The following THSD7B variants were observed in gnomAD, a reference collection of about 807,000 sequenced individuals.
THSD7B encodes thrombospondin type-1 domain-containing protein 7B.
In THSD7B, 138 loss-of-function variants were observed where a neutral mutation model predicts 213.6. The ratio of observed to expected loss-of-function variants is 0.65; its 90% CI spans 0.56 to 0.74. The LOEUF is 0.74. THSD7B is among the 30% of genes least tolerant of loss of function. The pLI is 0.00. For synonymous variants in THSD7B, 742 were observed against 687.0 expected, an observed-to-expected ratio of 1.08 and a Z score of -1.25; for missense variants, 1,931 against 1,991.5, an observed-to-expected ratio of 0.97 and a Z score of 0.58.
At chr2:137,044,045 G>A (rs978198123) in intron 2 of THSD7B, among the ~76,000 whole-genome samples, 1 of 152,122 alleles carries the variant, frequency 6.6e-6, no homozygotes, top group Non-Finnish European at 1.5e-5. Flanking sequence ...CCAGGTTTTA[G>A]TCGGGAACCT....
At chr2:137,448,836 C>CAACAAAA (rs765115799) in intron 14 of THSD7B, among the ~76,000 whole-genome samples, 1 of 147,478 alleles carries the variant, frequency 6.8e-6, no homozygotes, top group Admixed American at 6.7e-5. Flanking sequence ...ACAACAACAA[C>CAACAAAA]AAAAACTACC....
Position 137,298,635 on chromosome 2 carries a change from G to A in THSD7B, c.2500+22609G>A, listed in dbSNP as rs188098114. On this transcript the variant is annotated intron_variant, in intron 12 of 27. Coordinates refer to ENST00000409968, the MANE Select transcript of THSD7B (RefSeq NM_001316349.2). ...GCCCAGGATCCCTGTGCTGTGTGCA[G>A]CTTAGGGACTTAGTGCCCTGTGTCC... Among the ~76,000 whole-genome samples the A allele has an allele frequency of 6.5e-4, 99 of 152,258 alleles. 1 individual carries two copies. The highest frequency in any genetic ancestry group is 1.3e-3 in the South Asian group (6 of 4,782).
At position 137,061,891 on chromosome 2, in the gene THSD7B, C is replaced by A. The variant is rs557407042; in HGVS notation, c.950+4661C>A. Among the ~76,000 whole-genome samples, 10 of 151,836 alleles carry A rather than the reference C, an allele frequency of 6.6e-5. No individual in the cohort carries two copies. The South Asian group carries it at 2.1e-3, about 31-fold the overall frequency. The stretch of plus-strand genomic sequence containing the variant: ...CTTCGAATGAATTGGAAAGTATTTT[C>A]TGTGCTTTCATTTTCTGAAAGAAAT... On this transcript the variant is annotated intron_variant, in intron 3 of 27. Transcript: ENST00000409968.
At chr2:137,068,069 A>G (rs900697541) in intron 3 of THSD7B, among the ~76,000 whole-genome samples, 1 of 151,970 alleles carries the variant, frequency 6.6e-6, no homozygotes, top group Non-Finnish European at 1.5e-5. Context: ...TTCCTCTGCT[A>G]TGTTGTGATT....
intron 26 of THSD7B, among the ~76,000 whole-genome samples, chr2:137,664,071 T>A (rs1683403119): frequency 6.6e-6 from 1 of 152,170 alleles, no homozygotes. Context: ...CAGGCTGGTC[T>A]TGAACTCCTG....
intron 2 of THSD7B, among the ~76,000 whole-genome samples, chr2:136,990,653 A>G (rs571579334): frequency 6.6e-6 from 1 of 152,170 alleles, no homozygotes; most frequent in Non-Finnish European, 1.5e-5. Flanking sequence ...GCCTTATTTC[A>G]TAGGACATTT....
At chr2:136,774,476 A>G (rs1237881930) in intron 1 of THSD7B, among the ~76,000 whole-genome samples, 1 of 152,096 alleles carries the variant, frequency 6.6e-6, no homozygotes, top group Non-Finnish European at 1.5e-5. Flanking sequence ...AATTGAAAAA[A>G]CAGAATGTGA....
intron 10 of THSD7B, among the ~76,000 whole-genome samples, chr2:137,249,071 T>G (rs1682109633): frequency 6.6e-6 from 1 of 152,050 alleles, no homozygotes; most frequent in African/African-American, 2.4e-5. Flanking sequence ...TTCCTGATAA[T>G]TTAGTAGGAG....
chr2:136,881,282 C>G (rs1169862071), intron 1 of THSD7B, among the ~76,000 whole-genome samples: 1 of 152,132 alleles, frequency 6.6e-6, no homozygotes, highest in Non-Finnish European at 1.5e-5. Context: ...GTTGTGTATG[C>G]ATATCTCTTT....
At chr2:137,329,230 G>A (rs913503774) in intron 12 of THSD7B, among the ~76,000 whole-genome samples, 2 of 152,208 alleles carry the variant, frequency 1.3e-5, no homozygotes, top group African/African-American at 4.8e-5. Context: ...CTCAGATGGA[G>A]ATAAGGAATT....
intron 12 of THSD7B, among the ~76,000 whole-genome samples, chr2:137,372,506 C>A (rs1050571570): frequency 7.3e-5 from 11 of 151,458 alleles, no homozygotes; most frequent in Admixed American, 5.3e-4. Context: ...AGGTATAAAT[C>A]AATACATATA....
intron 12 of THSD7B, among the ~76,000 whole-genome samples, chr2:137,353,428 GT>G (rs1489134195): frequency 6.6e-6 from 1 of 152,044 alleles, no homozygotes; most frequent in Non-Finnish European, 1.5e-5. Flanking sequence ...TAGCTTCCCC[GT>G]GTATCCTTCA....
intron 5 of THSD7B, among the ~76,000 whole-genome samples, chr2:137,117,990 G>C (rs1377093917): frequency 6.6e-6 from 1 of 152,034 alleles, no homozygotes; most frequent in African/African-American, 2.4e-5. Flanking sequence ...AACACCTATA[G>C]CATATTTAGT....
chr2:137,665,546 G>A (rs1192351759), intron 26 of THSD7B, among the ~76,000 whole-genome samples: 1 of 151,716 alleles, frequency 6.6e-6, no homozygotes. Context: ...TCATGGTGAG[G>A]GTATAAATTA....
chr2:137,187,114 T>C (rs192138987), intron 7 of THSD7B, among the ~76,000 whole-genome samples: 264 of 152,330 alleles, frequency 1.7e-3, no homozygotes, highest in Admixed American at 3.0e-3. Context: ...CTTTCCATTC[T>C]TTCACTAGGA....
chr2:136,980,513 G>A (rs1357932312), intron 2 of THSD7B, among the ~76,000 whole-genome samples: 1 of 152,164 alleles, frequency 6.6e-6, no homozygotes, highest in Non-Finnish European at 1.5e-5. Flanking sequence ...CCCACCTAAA[G>A]AAGCCCGGCC....
intron 1 of THSD7B, among the ~76,000 whole-genome samples, chr2:136,774,551 A>C (rs1681566909): frequency 6.6e-6 from 1 of 152,126 alleles, no homozygotes; most frequent in Non-Finnish European, 1.5e-5. Context: ...TGCAACCTCT[A>C]TTCAGCTGTA....
At position 136,920,827 on chromosome 2, in the gene THSD7B, C is replaced by T. The variant is rs927422118; in HGVS notation, c.139+38510C>T. On this transcript the variant is annotated intron_variant, in intron 2 of 27. Coordinates refer to ENST00000409968, the MANE Select transcript of THSD7B (RefSeq NM_001316349.2). ...TTGGCACCCAAAGTCCAGAAGGAGC[C>T]GAAGTGGCAGGGGGCTTATGCGTCA... 2.0e-5 allele frequency among the ~76,000 whole-genome samples: 3 copies of T among 152,238 alleles called. No individual in the cohort carries two copies. In the South Asian group the frequency reaches 6.2e-4, roughly 32 times the overall value.
intron 9 of THSD7B, among the ~76,000 whole-genome samples, chr2:137,237,836 C>G (rs1032789121): frequency 3.9e-5 from 6 of 152,122 alleles, no homozygotes; most frequent in African/African-American, 1.2e-4. Context: ...AAGGGTAAAC[C>G]TCATTGGCAG....
Sources: gnomAD v4.1 joint callset for allele counts (sites outside exome capture counted in the v4.1 genomes callset) on GRCh38, gnomAD v4.1.1 for gene constraint, MANE v1.5 for transcripts, NCBI Gene and HGNC (gene_info 2026-07-23, HGNC 2026-07-21) for gene names.